PPP4R2: variants seen among roughly 807,000 people sequenced by gnomAD.
PPP4R2 encodes the protein protein phosphatase 4 regulatory subunit 2, also known as serine/threonine-protein phosphatase 4 regulatory subunit 2.
A neutral mutation model predicts 47.2 loss-of-function variants in PPP4R2; 13 were observed. That is an observed-to-expected ratio of 0.28 (90% CI 0.18 to 0.44). The LOEUF is 0.44. PPP4R2 is among the 20% of genes least tolerant of loss of function. The pLI is 1.00. For synonymous variants in PPP4R2, 151 were observed against 163.3 expected (o/e 0.92, Z 0.57); for missense variants, 421 against 491.2 (o/e 0.86, Z 1.35).
chr3:73,027,385 T>C (rs541305567), intron 2 of PPP4R2, among the ~76,000 whole-genome samples: 1 of 152,296 alleles, frequency 6.6e-6, no homozygotes, highest in Admixed American at 6.5e-5. Context: ...CTTGGCCTCC[T>C]AAAGTGCTGG....
intron 2 of PPP4R2, among the ~76,000 whole-genome samples, chr3:73,007,932 CTT>C: frequency 3.4e-5 from 2 of 58,198 alleles, no homozygotes; most frequent in Admixed American, 2.7e-4. Flanking sequence ...TGTACAATTA[CTT>C]CTTTAATGCT....
At position 72,996,915 on chromosome 3, in the gene PPP4R2, G is replaced by C; in HGVS notation, c.-123G>C. ...CCGGCTCCCTTCGTTTCCCCCCCCC[G>C]GTCGCCTGCGTGCCGGAGTGTGTGC... On this transcript the variant is annotated 5_prime_UTR_variant, in exon 1 of 9. Transcript: ENST00000356692. The C allele has an allele frequency of 1.7e-6, 1 of 602,970 alleles. No homozygotes were observed. The highest frequency in any genetic ancestry group is 2.5e-6 in the Non-Finnish European group (1 of 397,480). The allele number at this position is 602,970 out of a possible 1,614,324, so 37.4% of individuals were successfully genotyped here.
At chr3:73,038,286 G>A (rs1702304431) in intron 2 of PPP4R2, among the ~76,000 whole-genome samples, 1 of 152,232 alleles carries the variant, frequency 6.6e-6, no homozygotes, top group African/African-American at 2.4e-5. Context: ...CGTGCTGTTA[G>A]AAGAGTCATC....
chr3:73,043,019 A>C (rs557667364), intron 2 of PPP4R2, among the ~76,000 whole-genome samples: 3 of 152,228 alleles, frequency 2.0e-5, no homozygotes, highest in Admixed American at 2.0e-4. Flanking sequence ...CAAACATGTC[A>C]TGTCAGATGG....
intron 2 of PPP4R2, among the ~76,000 whole-genome samples, chr3:73,004,706 T>C (rs1270723166): frequency 6.6e-6 from 1 of 152,138 alleles, no homozygotes; most frequent in Non-Finnish European, 1.5e-5. Flanking sequence ...TGTTGGCCTC[T>C]TAAAGTGCAG....
chr3:73,062,593 T>C (rs1575891670), intron 5 of PPP4R2: 4 of 1,613,914 alleles, frequency 2.5e-6, no homozygotes, highest in East Asian at 2.2e-5. Flanking sequence ...TTCAAAGATA[T>C]GCCTAACTTT....
At chr3:73,004,128 G>A (rs1247788788) in intron 2 of PPP4R2, among the ~76,000 whole-genome samples, 6 of 151,944 alleles carry the variant, frequency 3.9e-5, no homozygotes, top group African/African-American at 9.7e-5. Context: ...GAGCCACTGC[G>A]CCTGGCCTGG....
chr3:73,038,062 A>AC (rs1051140653), intron 2 of PPP4R2, among the ~76,000 whole-genome samples: 9 of 152,320 alleles, frequency 5.9e-5, no homozygotes, highest in Admixed American at 5.9e-4. Flanking sequence ...CCTGTCTGAC[A>AC]CATGTGGGGG....
At chr3:73,050,247 G>A (rs1463647722) in intron 3 of PPP4R2, among the ~76,000 whole-genome samples, 1 of 152,120 alleles carries the variant, frequency 6.6e-6, no homozygotes, top group Non-Finnish European at 1.5e-5. Context: ...TTACAAGCTT[G>A]AGCCACCGCG....
At chr3:73,053,917 A>AAAAG in intron 3 of PPP4R2, among the ~76,000 whole-genome samples, 1 of 151,764 alleles carries the variant, frequency 6.6e-6, no homozygotes, top group Non-Finnish European at 1.5e-5. Context: ...TCAAAAAAAA[A>AAAAG]AAAAAAAGCG....
At position 73,059,021 on chromosome 3, in the gene PPP4R2, T is replaced by G; in HGVS notation, c.288-16T>G. Reference sequence around the variant, plus strand: ...TTATCAGTGATCTCACACTGTAAAATTATATTTTTTTGCAGTATCCCTTTT... The same window carrying G: ...TTATCAGTGATCTCACACTGTAAAAGTATATTTTTTTGCAGTATCCCTTTT... On this transcript the variant is annotated splice_polypyrimidine_tract_variant and intron_variant, in intron 3 of 8. Coordinates refer to ENST00000356692, the MANE Select transcript of PPP4R2 (RefSeq NM_174907.4). 6.8e-7 allele frequency: 1 copy of G among 1,468,138 alleles called. No individual in the cohort carries two copies. Among genetic ancestry groups the G allele is most frequent in the Non-Finnish European group, 9.4e-7 (1 of 1,062,472 alleles). 90.9% of individuals were successfully genotyped at this position (1,468,138 alleles called of 1,614,324 possible). A position where few individuals can be genotyped will look rare whatever the true frequency, so the allele number is the denominator to read the frequency against.
At chr3:73,051,863 G>A (rs1012172292) in intron 3 of PPP4R2, among the ~76,000 whole-genome samples, 1 of 152,160 alleles carries the variant, frequency 6.6e-6, no homozygotes, top group Non-Finnish European at 1.5e-5. Context: ...CTGACCTTGT[G>A]ACCCACCCAC....
chr3:73,023,807 C>G (rs866514480), intron 2 of PPP4R2, among the ~76,000 whole-genome samples: 3 of 152,046 alleles, frequency 2.0e-5, no homozygotes, highest in Admixed American at 2.0e-4. Context: ...TGAAAGTATA[C>G]TTGAGCAAAC....
intron 3 of PPP4R2, among the ~76,000 whole-genome samples, chr3:73,048,464 C>G (rs927603026): frequency 2.6e-5 from 4 of 152,056 alleles, no homozygotes; most frequent in African/African-American, 9.7e-5. Context: ...CCATGCTGGC[C>G]AGGCTGGTCT....
In PPP4R2 at chr3:73,067,615, A is replaced by G; in HGVS notation, c.*1893A>G. 2 of 152,208 alleles carry G rather than the reference A, an allele frequency of 1.3e-5. No homozygotes were observed. The highest frequency in any genetic ancestry group is 1.3e-4 in the Admixed American group (2 of 15,290). 9.4% of individuals were successfully genotyped at this position (152,208 alleles called of 1,614,324 possible). On this transcript the variant is annotated 3_prime_UTR_variant, in exon 9 of 9. Coordinates refer to ENST00000356692, the MANE Select transcript of PPP4R2 (RefSeq NM_174907.4). ...CAAATTTAAGTTTACAAATTTTGAA[A>G]TTTTCTTTTGAATATTTATGAAATT...
chr3:73,005,806 T>C (rs56296998), intron 2 of PPP4R2, among the ~76,000 whole-genome samples: 18,794 of 134,898 alleles, frequency 0.14, 1,471 homozygotes, highest in East Asian at 0.35. Context: ...CACTCCAGTC[T>C]GGGCAACAAG....
intron 2 of PPP4R2, chr3:73,014,956 A>G (rs1701793157): frequency 1.4e-6 from 1 of 693,278 alleles, no homozygotes; most frequent in African/African-American, 1.8e-5. Context: ...CACCTGCCTC[A>G]ACTTCCCAAA....
At chr3:73,039,513 C>T (rs1306986963) in intron 2 of PPP4R2, among the ~76,000 whole-genome samples, 2 of 152,136 alleles carry the variant, frequency 1.3e-5, no homozygotes, top group African/African-American at 2.4e-5. Context: ...TTACCTTTTC[C>T]ATAACACAAA....
chr3:73,065,581 T>A lies in PPP4R2; in HGVS notation c.1113T>A (p.Ser371Arg). The A allele has an allele frequency of 1.2e-6, 2 of 1,613,646 alleles. No homozygotes were observed. The highest frequency in any genetic ancestry group is 1.7e-6 in the Non-Finnish European group (2 of 1,179,706). ...SEGSENEGPV[S>R]SSSSDCRETE... Reference sequence around the variant, plus strand: ...GTAGTGAAAACGAAGGCCCTGTAAGTAGTAGTTCTTCTGACTGCCGTGAAA... The same window carrying A: ...GTAGTGAAAACGAAGGCCCTGTAAGAAGTAGTTCTTCTGACTGCCGTGAAA... Residue 371 changes from serine (S) to arginine (R), a missense_variant, in exon 9 of 9, where the codon AGT becomes AGA. Ser to Arg is a moderately radical substitution (Grantham distance 110, BLOSUM62 -1). This residue lies in a region of PPP4R2 where 317 missense variants were observed against 287.5 expected (regional missense o/e 1.10). Coordinates refer to ENST00000356692, the MANE Select transcript of PPP4R2 (RefSeq NM_174907.4).
Sources: allele counts gnomAD v4.1 joint callset (sites outside exome capture counted in the v4.1 genomes callset), GRCh38; gene constraint gnomAD v4.1.1; regional missense constraint gnomAD v4.1.1; transcripts MANE v1.5; gene names NCBI Gene and HGNC (gene_info 2026-07-23, HGNC 2026-07-21).